Variants in HEATR5A observed in about 807,000 individuals in gnomAD.
HEATR5A encodes the protein HEAT repeat-containing protein 5A.
A neutral mutation model predicts 218.8 loss-of-function variants in HEATR5A; 178 were observed. The ratio of observed to expected loss-of-function variants is 0.81; its 90% confidence interval spans 0.72 to 0.92. The LOEUF is 0.92. Ranked by LOEUF, HEATR5A falls within the 40% of genes least tolerant of loss-of-function variation. The pLI is 0.00. For missense variants in HEATR5A, 2,420 were observed against 2,418.9 expected (o/e 1.00, Z -0.01); for synonymous variants, 864 against 871.6 (o/e 0.99, Z 0.15).
intron 18 of HEATR5A, among the ~76,000 whole-genome samples, chr14:31,349,452 G>A (rs1901138331): frequency 6.6e-6 from 1 of 150,834 alleles, no homozygotes; most frequent in Non-Finnish European, 1.5e-5. Flanking sequence ...TCTTTTTCCT[G>A]TAGTTTGTTC....
chr14:31,328,249 C>T lies in HEATR5A; in HGVS notation c.3368-1907G>A, dbSNP rs77121743. On this transcript the variant is annotated intron_variant, in intron 22 of 35. Transcript: ENST00000543095. ...TGTAGGAGTTAGCCACTGTGCCTGG[C>T]CTTTGTGGGTGTTTTGTTTTGTTGG... Among the ~76,000 whole-genome samples the T allele has an allele frequency of 5.2e-3, 795 of 151,952 alleles. 43 individuals carry two copies. In the East Asian group the frequency reaches 0.12, roughly 23 times the overall value.
At chr14:31,318,406 G>A in intron 25 of HEATR5A, 114 bp from the exon 26 acceptor site, 1 of 827,890 alleles carries the variant, frequency 1.2e-6, no homozygotes, top group Non-Finnish European at 2.0e-6. Flanking sequence ...ATGGACAGCT[G>A]TTGTTTTGTC....
At chr14:31,349,766 T>C (rs1901153279) in intron 18 of HEATR5A, 23 bp downstream of exon 18, 2 of 1,548,354 alleles carry the variant, frequency 1.3e-6, no homozygotes, top group Non-Finnish European at 1.8e-6. Context: ...AGCCTCTGAA[T>C]ATTAAATAAG....
chr14:31,299,899 G>A (rs1015626833), intron 33 of HEATR5A, among the ~76,000 whole-genome samples: 1 of 151,546 alleles, frequency 6.6e-6, no homozygotes, highest in African/African-American at 2.4e-5. Flanking sequence ...AGCCAGGCCT[G>A]GTGGTGAGCA....
At chr14:31,416,154 G>A (rs889100896) in intron 1 of HEATR5A, among the ~76,000 whole-genome samples, 2 of 152,046 alleles carry the variant, frequency 1.3e-5, no homozygotes, top group Non-Finnish European at 2.9e-5. Flanking sequence ...GTCTCGCTCT[G>A]TCGCCTAGGC....
At chr14:31,364,385 A>G in intron 13 of HEATR5A, 87 bp from the exon 14 acceptor site, 1 of 627,890 alleles carries the variant, frequency 1.6e-6, no homozygotes, top group Admixed American at 3.2e-5. Context: ...TAACATATAA[A>G]TTAGCTATGT....
intron 21 of HEATR5A, among the ~76,000 whole-genome samples, chr14:31,339,495 A>G (rs570793454): frequency 1.5e-4 from 22 of 150,678 alleles, no homozygotes; most frequent in Non-Finnish European, 2.8e-4. Flanking sequence ...GAAGAAACAC[A>G]TGCAAAGAGA....
chr14:31,307,379 C>A (rs1419877982), intron 30 of HEATR5A, among the ~76,000 whole-genome samples: 1 of 152,142 alleles, frequency 6.6e-6, no homozygotes, highest in East Asian at 1.9e-4. Flanking sequence ...TGTACAGGAA[C>A]CCTTTTCCCA....
chr14:31,371,491 G>A (rs1247051774), intron 13 of HEATR5A: 2 of 176,814 alleles, frequency 1.1e-5, no homozygotes, highest in African/African-American at 2.4e-5. Context: ...AACTGAAACT[G>A]TTAGAAGCAT....
At chr14:31,395,386 T>TA in intron 4 of HEATR5A, 38 bp from the exon 5 acceptor site, 1 of 1,195,452 alleles carries the variant, frequency 8.4e-7, no homozygotes, top group South Asian at 1.4e-5. Context: ...GAAAAATAAT[T>TA]AAACTGCAAA....
intron 1 of HEATR5A, 103 bp from the exon 2 acceptor site, chr14:31,403,152 T>A (rs1301027578): frequency 1.7e-6 from 1 of 578,388 alleles, no homozygotes; most frequent in Non-Finnish European, 2.9e-6. Flanking sequence ...ATACATTTTT[T>A]ATAAATGCTC....
chr14:31,389,101 A>G (rs1281859763), intron 6 of HEATR5A, 96 bp from the exon 7 acceptor site: 6 of 1,170,636 alleles, frequency 5.1e-6, no homozygotes, highest in Non-Finnish European at 7.1e-6. Flanking sequence ...AAACAAAAAT[A>G]AACTAAAAAT....
intron 27 of HEATR5A, among the ~76,000 whole-genome samples, chr14:31,315,414 A>T (rs150991561): frequency 6.6e-6 from 1 of 152,348 alleles, no homozygotes; most frequent in East Asian, 1.9e-4. Context: ...TTCAAAAATC[A>T]TTCTACGAAA....
intron 1 of HEATR5A, among the ~76,000 whole-genome samples, chr14:31,407,634 A>G (rs1452504499): frequency 4.1e-5 from 3 of 73,994 alleles, no homozygotes; most frequent in East Asian, 3.6e-4. Flanking sequence ...ATATATATAT[A>G]TATGTATTTT....
chr14:31,353,190 CAT>C (rs759420451), intron 16 of HEATR5A, among the ~76,000 whole-genome samples: 5 of 151,860 alleles, frequency 3.3e-5, no homozygotes, highest in Non-Finnish European at 5.9e-5. Flanking sequence ...CTCCCTTAGA[CAT>C]ATGAGTAAAA....
chr14:31,401,687 A>C (rs2030883799), intron 2 of HEATR5A, among the ~76,000 whole-genome samples: 1 of 152,170 alleles, frequency 6.6e-6, no homozygotes, highest in Non-Finnish European at 1.5e-5. Flanking sequence ...CACCATGTCC[A>C]AATTTGTATT....
intron 32 of HEATR5A, 131 bp downstream of exon 32, chr14:31,304,774 G>A: frequency 1.1e-6 from 1 of 900,444 alleles, no homozygotes; most frequent in East Asian, 2.7e-5. Context: ...AATCTTAGAG[G>A]ATTAAAGACA....
chr14:31,367,303 T>C (rs1595143022), intron 13 of HEATR5A, among the ~76,000 whole-genome samples: 1 of 152,112 alleles, frequency 6.6e-6, no homozygotes, highest in Non-Finnish European at 1.5e-5. Flanking sequence ...ACCTCAATAA[T>C]AGTAAAGAGG....
chr14:31,414,414 T>C (rs903480559), intron 1 of HEATR5A, among the ~76,000 whole-genome samples: 3 of 152,122 alleles, frequency 2.0e-5, no homozygotes, highest in Non-Finnish European at 4.4e-5. Context: ...GGATTCTAGA[T>C]AGAGAAACAC....
Sources: allele counts gnomAD v4.1 joint callset (sites outside exome capture counted in the v4.1 genomes callset), GRCh38; gene constraint gnomAD v4.1.1; transcripts MANE v1.5; gene names NCBI Gene and HGNC (gene_info 2026-07-23, HGNC 2026-07-21).